Variants in ERC2 observed in about 807,000 individuals in gnomAD.
The protein encoded by ERC2 is ERC protein 2.
ERC2 carries 42 observed loss-of-function variants against 114.8 expected under a neutral mutation model. That is an observed-to-expected ratio of 0.37 (90% CI 0.29 to 0.47). The LOEUF (loss-of-function observed/expected upper bound fraction) is 0.47, where lower values mean the gene tolerates loss of function less well. Ranked by LOEUF, ERC2 falls within the 20% of genes least tolerant of loss-of-function variation. The probability of loss-of-function intolerance (pLI) is 0.99; values close to 1 mark genes in which losing one functional copy is unlikely to be tolerated. For synonymous variants in ERC2, 454 were observed against 425.5 expected (o/e 1.07, Z -0.82); for missense variants, 939 against 1,150.7 (o/e 0.82, Z 2.66).
At chr3:55,926,552 C>G (rs900265120) in intron 13 of ERC2, among the ~76,000 whole-genome samples, 1 of 152,130 alleles carries the variant, frequency 6.6e-6, no homozygotes, top group African/African-American at 2.4e-5. Flanking sequence ...TGAAATGTAC[C>G]TATGTTCCAT....
chr3:55,909,228 C>T (rs971892681), intron 13 of ERC2, among the ~76,000 whole-genome samples: 1 of 152,196 alleles, frequency 6.6e-6, no homozygotes, highest in Non-Finnish European at 1.5e-5. Flanking sequence ...ACTTCTTTCA[C>T]AATGGCGTCT....
chr3:56,420,896 CA>C (rs747377493), intron 2 of ERC2, among the ~76,000 whole-genome samples: 1,660 of 109,004 alleles, frequency 0.015, 27 homozygotes, highest in African/African-American at 0.046. Context: ...GACTCCGTCT[CA>C]AAAAAAAAAA....
chr3:55,976,065 G>A (rs976051144), intron 12 of ERC2, among the ~76,000 whole-genome samples: 3 of 152,082 alleles, frequency 2.0e-5, no homozygotes, highest in Admixed American at 6.6e-5. Context: ...GCTACCTAGC[G>A]ATCCCAAAGC....
chr3:55,936,884 C>T (rs973718951), intron 13 of ERC2, among the ~76,000 whole-genome samples: 7 of 152,304 alleles, frequency 4.6e-5, no homozygotes, highest in South Asian at 2.1e-4. Context: ...TACTCTGTGC[C>T]GGATGCTGTT....
chr3:55,880,590 G>A (rs1192414583), intron 14 of ERC2, among the ~76,000 whole-genome samples: 1 of 152,200 alleles, frequency 6.6e-6, no homozygotes. Context: ...CTCACTACAG[G>A]TAACTCAGAA....
intron 12 of ERC2, among the ~76,000 whole-genome samples, chr3:55,979,710 A>G (rs2069914356): frequency 6.6e-6 from 1 of 151,866 alleles, no homozygotes; most frequent in South Asian, 2.1e-4. Flanking sequence ...CTGTTCTTGG[A>G]CTGGAAAAGG....
At chr3:55,525,141 G>A (rs904255357) in intron 17 of ERC2, among the ~76,000 whole-genome samples, 3 of 152,196 alleles carry the variant, frequency 2.0e-5, no homozygotes, top group Non-Finnish European at 2.9e-5. Context: ...TGAATGCAAT[G>A]GTAGGGTGTC....
intron 2 of ERC2, among the ~76,000 whole-genome samples, chr3:56,403,637 T>A (rs755554768): frequency 7.9e-5 from 12 of 152,202 alleles, no homozygotes; most frequent in Non-Finnish European, 1.6e-4. Context: ...ATCTTTATTT[T>A]AACGAGATCC....
intron 2 of ERC2, among the ~76,000 whole-genome samples, chr3:56,395,682 C>T (rs528289079): frequency 6.6e-6 from 1 of 152,312 alleles, no homozygotes; most frequent in Non-Finnish European, 1.5e-5. Context: ...TGAGGCTTCA[C>T]CAGAATCTGA....
At chr3:55,523,680 T>C (rs2053118288) in intron 17 of ERC2, among the ~76,000 whole-genome samples, 1 of 152,240 alleles carries the variant, frequency 6.6e-6, no homozygotes, top group African/African-American at 2.4e-5. Flanking sequence ...GGACAGGCTA[T>C]GTGTGTCTTG....
chr3:55,677,904 C>G (rs1340035849), intron 17 of ERC2, among the ~76,000 whole-genome samples: 1 of 152,274 alleles, frequency 6.6e-6, no homozygotes, highest in East Asian at 1.9e-4. Flanking sequence ...GGGTAGGAAT[C>G]ACACTTTGTT....
intron 16 of ERC2, among the ~76,000 whole-genome samples, chr3:55,685,548 T>C (rs1000810788): frequency 2.0e-5 from 3 of 152,200 alleles, no homozygotes; most frequent in Non-Finnish European, 4.4e-5. Context: ...TTCATCTTCA[T>C]GAAGGAGGGA....
chr3:55,845,133 G>T (rs910936368), intron 14 of ERC2, among the ~76,000 whole-genome samples: 1 of 152,146 alleles, frequency 6.6e-6, no homozygotes, highest in Non-Finnish European at 1.5e-5. Context: ...CTCATCTCCT[G>T]CTGTGCAACC....
intron 7 of ERC2, among the ~76,000 whole-genome samples, chr3:56,065,942 C>G (rs1052450126): frequency 1.3e-5 from 2 of 152,144 alleles, no homozygotes; most frequent in African/African-American, 4.8e-5. Flanking sequence ...TTTATCCAGT[C>G]TATTATTGAC....
intron 13 of ERC2, among the ~76,000 whole-genome samples, chr3:55,924,478 G>C (rs775010375): frequency 2.2e-4 from 34 of 151,960 alleles, no homozygotes; most frequent in Admixed American, 2.2e-3. Flanking sequence ...TCTCTGTAGG[G>C]GCCTTTTTAC....
intron 2 of ERC2, among the ~76,000 whole-genome samples, chr3:56,354,586 C>G (rs1305971082): frequency 6.6e-6 from 1 of 152,152 alleles, no homozygotes; most frequent in African/African-American, 2.4e-5. Flanking sequence ...ATATGTATCA[C>G]TGTAAAATGC....
intron 14 of ERC2, among the ~76,000 whole-genome samples, chr3:55,792,008 T>C (rs1328578254): frequency 6.6e-6 from 1 of 152,214 alleles, no homozygotes; most frequent in Admixed American, 6.5e-5. Flanking sequence ...CTGTGTATCT[T>C]ATGTATTCAT....
chr3:55,695,962 G>A (rs927661395), intron 16 of ERC2, among the ~76,000 whole-genome samples: 7 of 152,186 alleles, frequency 4.6e-5, no homozygotes, highest in African/African-American at 1.7e-4. Flanking sequence ...CGAAGATAGA[G>A]TTGTAATATG....
rs147483218 is a variant in ERC2, at chr3:56,410,227, CTTAAT to C, written c.657+24119_657+24123del. Among the ~76,000 whole-genome samples, 18 of 152,286 alleles carry C rather than the reference CTTAAT, an allele frequency of 1.2e-4. No individual in the cohort carries two copies. The East Asian group carries it at 3.3e-3, about 28-fold the overall frequency. ...GGATATATATAGAGAGCAAACTGAT[CTTAAT>C]TTATGTCCCTGTGATATAAAACATA... On this transcript the variant is annotated intron_variant, in intron 2 of 17. Coordinates refer to ENST00000288221, the MANE Select transcript of ERC2 (RefSeq NM_015576.3).
Sources: gnomAD v4.1 joint callset for allele counts (sites outside exome capture counted in the v4.1 genomes callset) on GRCh38, gnomAD v4.1.1 for gene constraint, MANE v1.5 for transcripts, NCBI Gene and HGNC (gene_info 2026-07-23, HGNC 2026-07-21) for gene names.